The following EMX2 variants were observed in gnomAD, a reference collection of about 807,000 sequenced individuals.
The protein encoded by EMX2 is homeobox protein EMX2.
A neutral mutation model predicts 23.0 loss-of-function variants in EMX2; 6 were observed. The observed-to-expected ratio is 0.26, with a 90% CI of 0.14 to 0.52. The LOEUF is 0.52. EMX2 is among the 20% of genes least tolerant of loss of function. EMX2 has a pLI of 0.97. For synonymous variants in EMX2, 175 were observed against 153.3 expected, an observed-to-expected ratio of 1.14 and a Z score of -1.04; for missense variants, 302 against 341.4, an observed-to-expected ratio of 0.88 and a Z score of 0.91.
In EMX2 at chr10:117,548,583, G is replaced by T. The variant is rs1039454613; in HGVS notation, c.*351G>T. On this transcript the variant is annotated 3_prime_UTR_variant, in exon 3 of 3. Coordinates refer to ENST00000553456, the MANE Select transcript of EMX2 (RefSeq NM_004098.4). Reference sequence around the variant, plus strand: ...GAGAGAGAGAGAGAGAAAGCTGAACGTGCACTCTGACAAGGGGAGCTGTCA... The same window carrying T: ...GAGAGAGAGAGAGAGAAAGCTGAACTTGCACTCTGACAAGGGGAGCTGTCA... The T allele has an allele frequency of 5.8e-6, 3 of 515,858 alleles. No individual in the cohort carries two copies. The highest frequency in any genetic ancestry group is 3.7e-5 in the Admixed American group (1 of 26,738). 32.0% of individuals were successfully genotyped at this position (515,858 alleles called of 1,614,324 possible). A position where few individuals can be genotyped will look rare whatever the true frequency, so the allele number is the denominator to read the frequency against.
rs1286678300 is a variant in EMX2, at chr10:117,548,147, A to G, written c.674A>G (p.Lys225Arg). ...EEEGSDSQQK[K>R]KGTHHINRWR... ...GAAGGCTCAGATTCGCAACAAAAGA[A>G]AAAAGGGACGCACCATATTAACCGG... The change falls in exon 3 of 3, where the codon AAA becomes AGA. Residue 225 changes from lysine to arginine, a missense_variant. Around this residue, in one of 4 missense-constraint regions of EMX2, gnomAD observed 42 missense variants for 49.3 expected, o/e 0.85. Transcript: ENST00000553456. The G allele has an allele frequency of 1.2e-6, 2 of 1,613,928 alleles. No homozygotes were observed. Among genetic ancestry groups the G allele is most frequent in the Non-Finnish European group, 1.7e-6 (2 of 1,179,994 alleles).
In EMX2 at chr10:117,543,471, C is replaced by T. The variant is rs1189283169; in HGVS notation, c.204C>T (p.Asp68=). 1.2e-5 allele frequency: 19 copies of T among 1,610,056 alleles called. No homozygotes were observed. The highest frequency in any genetic ancestry group is 1.5e-5 in the Non-Finnish European group (18 of 1,178,626). Residue 68 remains aspartate, a synonymous_variant, in exon 1 of 3, where the codon GAC becomes GAT. Transcript: ENST00000553456. ...AAGRGVYSNP[D]LVFAEAVSHP... ...GTAGGGGCGTCTACTCCAACCCGGA[C>T]TTGGTGTTCGCCGAGGCGGTCTCGC...
At chr10:117,546,614 G>T (rs1037026011) in intron 2 of EMX2, among the ~76,000 whole-genome samples, 3 of 152,254 alleles carry the variant, frequency 2.0e-5, no homozygotes, top group Non-Finnish European at 4.4e-5. Context: ...AACCGAGGAG[G>T]GCCTGGCGGG....
chr10:117,545,945 C>G (rs1398338205), intron 2 of EMX2, 129 bp downstream of exon 2: 2 of 1,304,074 alleles, frequency 1.5e-6, no homozygotes, highest in African/African-American at 1.5e-5. Context: ...GCTGGTTCCA[C>G]GCCTGGGCTC....
Position 117,543,267 on chromosome 10 carries a change from C to G in EMX2, c.-1C>G. On this transcript the variant is annotated 5_prime_UTR_variant, in exon 1 of 3. Coordinates refer to ENST00000553456, the MANE Select transcript of EMX2 (RefSeq NM_004098.4). Reference sequence around the variant, plus strand: ...CCAGGGCGCCCGCTCCTCGGCGCAGCATGTTCCAGCCGGCGCCCAAGCGCT... The same window carrying G: ...CCAGGGCGCCCGCTCCTCGGCGCAGGATGTTCCAGCCGGCGCCCAAGCGCT... 1 of 1,547,016 alleles carries G rather than the reference C, an allele frequency of 6.5e-7. No homozygotes were observed. The highest frequency in any genetic ancestry group is 2.5e-5 in the East Asian group (1 of 40,648).
At position 117,543,591 on chromosome 10, in the gene EMX2, A is replaced by C. The variant is rs761946784; in HGVS notation, c.324A>C (p.Leu108=). ...PLPSSHSPHP[L]FASQQRDPST... Reference sequence around the variant, plus strand: ...CCTCCTCGCACTCGCCACACCCCCTATTCGCCTCGCAGCAGCGGGATCCGT... The same window carrying C: ...CCTCCTCGCACTCGCCACACCCCCTCTTCGCCTCGCAGCAGCGGGATCCGT... The change falls in exon 1 of 3, where the codon CTA becomes CTC. Residue 108 remains leucine, a synonymous_variant. Transcript: ENST00000553456. 3.7e-6 allele frequency: 6 copies of C among 1,608,972 alleles called. No homozygotes were observed. The highest frequency in any genetic ancestry group is 5.1e-6 in the Non-Finnish European group (6 of 1,178,990).
chr10:117,547,709 T>G (rs891900191), intron 2 of EMX2, among the ~76,000 whole-genome samples: 9 of 152,330 alleles, frequency 5.9e-5, no homozygotes, highest in Non-Finnish European at 1.3e-4. Context: ...TTTAATCACT[T>G]ATTATTTTTG....
chr10:117,546,343 T>C (rs1198211928), intron 2 of EMX2, among the ~76,000 whole-genome samples: 3 of 152,150 alleles, frequency 2.0e-5, no homozygotes, highest in Non-Finnish European at 4.4e-5. Context: ...AGAAGTAAAG[T>C]TGGGAGGCTG....
chr10:117,544,325 A>C (rs1846544092), intron 1 of EMX2: 1 of 151,626 alleles, frequency 6.6e-6, no homozygotes, highest in South Asian at 2.1e-4. Flanking sequence ...TGGGGCGCCG[A>C]GCAGCCACAG....
At position 117,543,598 on chromosome 10, in the gene EMX2, T is replaced by G; in HGVS notation, c.331T>G (p.Ser111Ala). Reference protein sequence around the residue: ...SSHSPHPLFASQQRDPSTFYP... With the variant: ...SSHSPHPLFAAQQRDPSTFYP... ...GCACTCGCCACACCCCCTATTCGCCTCGCAGCAGCGGGATCCGTCCACCTT... is the reference window on the plus strand; with the variant it reads ...GCACTCGCCACACCCCCTATTCGCCGCGCAGCAGCGGGATCCGTCCACCTT... The change falls in exon 1 of 3, where the codon TCG becomes GCG. Residue 111 changes from serine (S) to alanine (A), a missense_variant. Ser to Ala is a moderately conservative substitution (Grantham distance 99, BLOSUM62 1). This residue lies in a region of EMX2 where 221 missense variants were observed against 206.8 expected (regional missense o/e 1.07). Transcript: ENST00000553456. The G allele has an allele frequency of 6.2e-7, 1 of 1,608,060 alleles. No individual in the cohort carries two copies. The highest frequency in any genetic ancestry group is 8.5e-7 in the Non-Finnish European group (1 of 1,178,318).
chr10:117,548,023 C>T lies in EMX2; in HGVS notation c.592-42C>T, dbSNP rs780207838. The T allele has an allele frequency of 2.5e-6, 4 of 1,579,734 alleles. No individual in the cohort carries two copies. In the East Asian group the frequency reaches 9.2e-5, roughly 36 times the overall value. ...GGATCAGGCACTTGATAGAAGGGTG[C>T]TCTGAAAGAACTAACGCACCCCATC... On this transcript the variant is annotated intron_variant, in intron 2 of 2. Transcript: ENST00000553456.
chr10:117,543,349 G>A lies in EMX2; in HGVS notation c.82G>A (p.Glu28Lys). ...CAGTCCCCTGCCCGCCTCGCGCTCCGAGGACCCCATCCGTCCCGCGGCACT... is the reference window on the plus strand; with the variant it reads ...CAGTCCCCTGCCCGCCTCGCGCTCCAAGGACCCCATCCGTCCCGCGGCACT... ...KDSPLPASRSEDPIRPAALSY... is the reference protein window; with the variant it reads ...KDSPLPASRSKDPIRPAALSY... The change falls in exon 1 of 3, where the codon GAG becomes AAG. Residue 28 changes from glutamate (E) to lysine (K), a missense_variant. By Grantham distance (56) the Glu-to-Lys change is moderately conservative. Coordinates refer to ENST00000553456, the MANE Select transcript of EMX2 (RefSeq NM_004098.4). The A allele has an allele frequency of 6.4e-7, 1 of 1,561,336 alleles. No homozygotes were observed. Among genetic ancestry groups the A allele is most frequent in the Non-Finnish European group, 8.7e-7 (1 of 1,153,534 alleles).
chr10:117,543,495 G>T lies in EMX2; in HGVS notation c.228G>T (p.Ser76=). 2.5e-6 allele frequency: 4 copies of T among 1,608,858 alleles called. No homozygotes were observed. Among genetic ancestry groups the T allele is most frequent in the Non-Finnish European group, 1.7e-6 (2 of 1,178,268 alleles). Residue 76 remains serine, a synonymous_variant, in exon 1 of 3, where the codon TCG becomes TCT. Coordinates refer to ENST00000553456, the MANE Select transcript of EMX2 (RefSeq NM_004098.4). ...ACTTGGTGTTCGCCGAGGCGGTCTC[G>T]CACCCGCCCAACCCCGCCGTGCCAG... ...NPDLVFAEAV[S]HPPNPAVPVH... is the part of the protein sequence containing the mutation.
chr10:117,548,836 A>G lies in EMX2; in HGVS notation c.*604A>G. ...CACCTGTTTCAAATCCTTGAAATGC[A>G]TGTAGCAGTTGTTGGGCGAATGGTG... On this transcript the variant is annotated 3_prime_UTR_variant, in exon 3 of 3. Transcript: ENST00000553456. 5.0e-6 allele frequency: 2 copies of G among 399,448 alleles called. No individual in the cohort carries two copies. Among genetic ancestry groups the G allele is most frequent in the Non-Finnish European group, 8.8e-6 (2 of 226,940 alleles). 24.7% of individuals were successfully genotyped at this position (399,448 alleles called of 1,614,324 possible).
chr10:117,543,189 C>T lies in EMX2; in HGVS notation c.-79C>T. On this transcript the variant is annotated 5_prime_UTR_variant, in exon 1 of 3. Transcript: ENST00000553456. Reference sequence around the variant, plus strand: ...GTCCCCAATTCTCGTCCGTCCTCGCCGCGGGCAGCGGGCGGCGGAGGCAGC... The same window carrying T: ...GTCCCCAATTCTCGTCCGTCCTCGCTGCGGGCAGCGGGCGGCGGAGGCAGC... 2.3e-6 allele frequency: 3 copies of T among 1,332,906 alleles called. No individual in the cohort carries two copies. Among genetic ancestry groups the T allele is most frequent in the Non-Finnish European group, 2.9e-6 (3 of 1,037,364 alleles). 82.6% of individuals were successfully genotyped at this position (1,332,906 alleles called of 1,614,324 possible). A position where few individuals can be genotyped will look rare whatever the true frequency, so the allele number is the denominator to read the frequency against.
chr10:117,545,904 T>C, intron 2 of EMX2, 88 bp downstream of exon 2: 2 of 1,567,798 alleles, frequency 1.3e-6, no homozygotes, highest in Non-Finnish European at 1.7e-6. Flanking sequence ...AGCACGGAGC[T>C]CTGTGAGGGC....
At position 117,543,556 on chromosome 10, in the gene EMX2, C is replaced by T. The variant is rs757916173; in HGVS notation, c.289C>T (p.His97Tyr). 6.2e-7 allele frequency: 1 copy of T among 1,612,418 alleles called. No individual in the cohort carries two copies. The highest frequency in any genetic ancestry group is 8.5e-7 in the Non-Finnish European group (1 of 1,179,402). The change falls in exon 1 of 3, where the codon CAC becomes TAC. Residue 97 changes from histidine to tyrosine, a missense_variant. This residue lies in a region of EMX2 where 221 missense variants were observed against 206.8 expected (regional missense o/e 1.07). Transcript: ENST00000553456. ...PVPPPHALAAHPLPSSHSPHP... is the reference protein window; with the variant it reads ...PVPPPHALAAYPLPSSHSPHP... ...GCCGCCGCCGCACGCCCTGGCCGCC[C>T]ACCCCCTACCCTCCTCGCACTCGCC...
Position 117,545,833 on chromosome 10 carries a change from C to G in EMX2, c.591+17C>G, listed in dbSNP as rs372251701. 6.2e-7 allele frequency: 1 copy of G among 1,613,558 alleles called. No homozygotes were observed. Among genetic ancestry groups the G allele is most frequent in the South Asian group, 1.1e-5 (1 of 91,082 alleles). ...GAAACTCAGGTGACTGCGGCCCGGG[C>G]GCGAGGAACCCATCTAGGCGTGCGC... On this transcript the variant is annotated intron_variant, in intron 2 of 2. Coordinates refer to ENST00000553456, the MANE Select transcript of EMX2 (RefSeq NM_004098.4).
In EMX2 at chr10:117,548,683, T is replaced by C. The variant is rs1260536031; in HGVS notation, c.*451T>C. On this transcript the variant is annotated 3_prime_UTR_variant, in exon 3 of 3. Coordinates refer to ENST00000553456, the MANE Select transcript of EMX2 (RefSeq NM_004098.4). The stretch of plus-strand genomic sequence containing the variant: ...TCACAGTCCACTTAAAAAATGATGA[T>C]GATGATAAAAACCACGACCCAACCA... The C allele has an allele frequency of 2.4e-5, 10 of 414,702 alleles. No homozygotes were observed. The highest frequency in any genetic ancestry group is 1.2e-3 in the Middle Eastern group (2 of 1,620). 25.7% of individuals were successfully genotyped at this position (414,702 alleles called of 1,614,324 possible).
Sources: gnomAD v4.1 joint callset for allele counts (sites outside exome capture counted in the v4.1 genomes callset) on GRCh38, gnomAD v4.1.1 for gene constraint, gnomAD v4.1.1 regional missense constraint, MANE v1.5 for transcripts, NCBI Gene and HGNC (gene_info 2026-07-23, HGNC 2026-07-21) for gene names.